The following FGGY variants were observed in gnomAD, a reference collection of about 807,000 sequenced individuals.
The protein encoded by FGGY is FGGY carbohydrate kinase domain containing, also known as FGGY carbohydrate kinase domain-containing protein.
Under a neutral mutation model 71.3 loss-of-function variants are expected in FGGY, and 72 were observed. The observed-to-expected ratio is 1.01, with a 90% CI of 0.84 to 1.23. The LOEUF (loss-of-function observed/expected upper bound fraction) is 1.23, where lower values mean the gene tolerates loss of function less well. Among genes scored for constraint, FGGY ranks in the 50% most tolerant of loss-of-function variants. FGGY has a pLI of 0.00. For missense variants in FGGY, 668 were observed against 682.3 expected (o/e 0.98, Z 0.23); for synonymous variants, 251 against 250.3 (o/e 1.00, Z -0.02).
At chr1:59,439,207 C>T (rs1322711228) in intron 5 of FGGY, among the ~76,000 whole-genome samples, 2 of 152,110 alleles carry the variant, frequency 1.3e-5, no homozygotes, top group Admixed American at 1.3e-4. Flanking sequence ...GTGCCTGACA[C>T]CTTGCATGGA....
intron 6 of FGGY, among the ~76,000 whole-genome samples, chr1:59,472,819 C>G (rs1400362315): frequency 6.6e-6 from 1 of 151,474 alleles, no homozygotes; most frequent in Non-Finnish European, 1.5e-5. Flanking sequence ...ATACACCAAT[C>G]GGCTCTCTGT....
chr1:59,655,206 C>T (rs1558694948), intron 11 of FGGY, among the ~76,000 whole-genome samples: 5 of 151,964 alleles, frequency 3.3e-5, no homozygotes, highest in African/African-American at 4.8e-5. Flanking sequence ...TCATGCAATT[C>T]GAGAGAAAGA....
chr1:59,367,672 C>T (rs762414440), intron 4 of FGGY, among the ~76,000 whole-genome samples: 54 of 152,280 alleles, frequency 3.5e-4, no homozygotes, highest in Non-Finnish European at 5.9e-4. Context: ...GCCTCATTTC[C>T]CTCACGAGTT....
At chr1:59,699,314 T>G in intron 14 of FGGY, 1 of 984,748 alleles carries the variant, frequency 1.0e-6, no homozygotes, top group Non-Finnish European at 1.2e-6. Flanking sequence ...ACTAAATTGT[T>G]TGTAGCTTCT....
chr1:59,756,710 G>T (rs889346157), intron 14 of FGGY, among the ~76,000 whole-genome samples: 1 of 152,148 alleles, frequency 6.6e-6, no homozygotes, highest in African/African-American at 2.4e-5. Context: ...TTACATTCCG[G>T]TTAGGGCAAG....
At chr1:59,727,085 GTTTAT>G (rs2097956485) in intron 14 of FGGY, among the ~76,000 whole-genome samples, 2 of 152,034 alleles carry the variant, frequency 1.3e-5, no homozygotes, top group African/African-American at 4.8e-5. Flanking sequence ...TTGTTCCCAT[GTTTAT>G]GTCCATGTCT....
Position 59,652,125 on chromosome 1 carries a change from G to A in FGGY, c.1222-8094G>A, listed in dbSNP as rs560464522. Among the ~76,000 whole-genome samples, 51 of 152,296 alleles carry A rather than the reference G, an allele frequency of 3.3e-4. No homozygotes were observed. In the East Asian group the frequency reaches 6.9e-3, roughly 21 times the overall value. On this transcript the variant is annotated intron_variant, in intron 11 of 15. Coordinates refer to ENST00000303721, the MANE Select transcript of FGGY (RefSeq NM_018291.5). Reference sequence around the variant, plus strand: ...TAGGGTTTCTGCCGAGAGATCAGCCGTTAGTCTGATGGGCTTCCCTTTGAG... The same window carrying A: ...TAGGGTTTCTGCCGAGAGATCAGCCATTAGTCTGATGGGCTTCCCTTTGAG...
chr1:59,330,716 G>A (rs529235863), intron 2 of FGGY, among the ~76,000 whole-genome samples: 15 of 152,278 alleles, frequency 9.9e-5, no homozygotes, highest in African/African-American at 1.4e-4. Flanking sequence ...GGTCAGAAGC[G>A]CTGAGATGGG....
intron 8 of FGGY, among the ~76,000 whole-genome samples, chr1:59,592,022 A>G (rs557636003): frequency 6.6e-6 from 1 of 152,316 alleles, no homozygotes; most frequent in African/African-American, 2.4e-5. Context: ...ATGGGTGAAA[A>G]TTTTCGCAAC....
chr1:59,490,368 G>GT (rs1250741985), intron 6 of FGGY, among the ~76,000 whole-genome samples: 3 of 152,092 alleles, frequency 2.0e-5, no homozygotes, highest in Admixed American at 1.3e-4. Context: ...CAGGTTGGTT[G>GT]TTTTTTTCCT....
At chr1:59,402,216 C>T (rs1351070380) in intron 5 of FGGY, among the ~76,000 whole-genome samples, 1 of 152,036 alleles carries the variant, frequency 6.6e-6, no homozygotes, top group South Asian at 2.1e-4. Flanking sequence ...AGGAAATGGT[C>T]GACAGTGTGG....
chr1:59,591,398 C>A (rs1558470262), intron 8 of FGGY, among the ~76,000 whole-genome samples: 1 of 152,186 alleles, frequency 6.6e-6, no homozygotes, highest in Non-Finnish European at 1.5e-5. Flanking sequence ...CCATCCCCAT[C>A]AAGCTACCAA....
intron 2 of FGGY, among the ~76,000 whole-genome samples, chr1:59,325,335 A>C (rs941828913): frequency 4.0e-5 from 6 of 151,302 alleles, no homozygotes; most frequent in African/African-American, 7.3e-5. Flanking sequence ...CCAGCCTGGG[A>C]GACAGAGTGG....
chr1:59,401,858 G>A (rs766577473), intron 5 of FGGY, among the ~76,000 whole-genome samples: 7 of 152,204 alleles, frequency 4.6e-5, no homozygotes, highest in African/African-American at 1.2e-4. Flanking sequence ...ACAGTGAATC[G>A]TGGTAGGATT....
chr1:59,630,956 T>C (rs1203628445), intron 10 of FGGY, among the ~76,000 whole-genome samples: 1 of 152,172 alleles, frequency 6.6e-6, no homozygotes, highest in East Asian at 1.9e-4. Context: ...TCCTACTCCT[T>C]CCTTGCCCAC....
At chr1:59,437,551 T>G (rs1374649818) in intron 5 of FGGY, among the ~76,000 whole-genome samples, 3 of 152,178 alleles carry the variant, frequency 2.0e-5, no homozygotes, top group Non-Finnish European at 4.4e-5. Flanking sequence ...ATGGGTCTAG[T>G]GACTGCTTTG....
chr1:59,297,645 A>AC lies in FGGY; in HGVS notation c.-15+500dup, dbSNP rs559179390. Among the ~76,000 whole-genome samples, 471 of 151,226 alleles carry AC rather than the reference A, an allele frequency of 3.1e-3. 5 individuals are homozygous for AC. The highest frequency in any genetic ancestry group is 0.01 in the African/African-American group (432 of 41,162). ...AGACCATCCAGGCTAACACGGTGAA[A>AC]CCCCCGTCTCTACTAAAAATACAAA... On this transcript the variant is annotated intron_variant, in intron 1 of 15. Transcript: ENST00000303721.
intron 8 of FGGY, among the ~76,000 whole-genome samples, chr1:59,569,969 G>A (rs748719070): frequency 1.8e-4 from 28 of 152,208 alleles, no homozygotes; most frequent in East Asian, 1.2e-3. Flanking sequence ...AGGATCCTGC[G>A]GCTGGTGAAT....
chr1:59,650,029 C>T (rs1572637580), intron 11 of FGGY, among the ~76,000 whole-genome samples: 1 of 148,244 alleles, frequency 6.7e-6, no homozygotes, highest in East Asian at 1.9e-4. Flanking sequence ...TTGTCTTTGG[C>T]TCTGTTTATA....
Sources: gnomAD v4.1 joint callset for allele counts (sites outside exome capture counted in the v4.1 genomes callset) on GRCh38, gnomAD v4.1.1 for gene constraint, MANE v1.5 for transcripts, NCBI Gene and HGNC (gene_info 2026-07-23, HGNC 2026-07-21) for gene names.